Variants in FLI1 observed in about 807,000 individuals in gnomAD.
FLI1 encodes the protein Friend leukemia integration 1 transcription factor.
FLI1 carries 13 observed loss-of-function variants against 53.1 expected under a neutral mutation model. The observed-to-expected ratio is 0.24, with a 90% CI of 0.16 to 0.39. FLI1 has a LOEUF of 0.39. Among genes scored for constraint, FLI1 ranks in the 10% least tolerant of loss-of-function variants. FLI1 has a pLI of 1.00. For missense variants in FLI1, 424 were observed against 600.5 expected, an observed-to-expected ratio of 0.71 and a Z score of 3.07; for synonymous variants, 244 against 236.7, an observed-to-expected ratio of 1.03 and a Z score of -0.28.
At chr11:128,767,679 G>A (rs1238915163) in intron 2 of FLI1, among the ~76,000 whole-genome samples, 2 of 152,202 alleles carry the variant, frequency 1.3e-5, no homozygotes, top group South Asian at 2.1e-4. Flanking sequence ...AGCAGTCAGG[G>A]GGCGCAGGCC....
intron 1 of FLI1, among the ~76,000 whole-genome samples, chr11:128,723,118 C>T (rs1032437028): frequency 3.3e-5 from 5 of 152,162 alleles, no homozygotes; most frequent in South Asian, 2.1e-4. Flanking sequence ...TCCACCTCCA[C>T]GATCAAATCA....
chr11:128,746,451 T>G (rs1940393040), intron 1 of FLI1, among the ~76,000 whole-genome samples: 1 of 152,236 alleles, frequency 6.6e-6, no homozygotes, highest in Non-Finnish European at 1.5e-5. Context: ...CTGCTTCCCC[T>G]GTGGGAGCCC....
At chr11:128,778,496 C>T (rs753521228) in intron 4 of FLI1, among the ~76,000 whole-genome samples, 4 of 152,190 alleles carry the variant, frequency 2.6e-5, no homozygotes, top group African/African-American at 4.8e-5. Flanking sequence ...GAATAGACCA[C>T]GATGGGGCTC....
chr11:128,758,979 C>G (rs188597792), intron 2 of FLI1, among the ~76,000 whole-genome samples: 3 of 152,202 alleles, frequency 2.0e-5, no homozygotes, highest in Admixed American at 6.5e-5. Flanking sequence ...GCCCCTTGGG[C>G]AAGTCATCGA....
chr11:128,790,672 G>GT (rs1195056959), intron 5 of FLI1, among the ~76,000 whole-genome samples: 6 of 152,214 alleles, frequency 3.9e-5, no homozygotes, highest in Non-Finnish European at 8.8e-5. Context: ...GTGTAAATTT[G>GT]TTCCAGGATA....
intron 2 of FLI1, among the ~76,000 whole-genome samples, chr11:128,763,339 G>C (rs769294558): frequency 1.5e-4 from 23 of 152,186 alleles, no homozygotes; most frequent in Non-Finnish European, 2.9e-4. Flanking sequence ...GGTTGACTCT[G>C]TTAGGCTGGG....
rs549094256 is a variant in FLI1 at position 128,719,872 on chromosome 11, A to G, written c.18+25596A>G. On this transcript the variant is annotated intron_variant, in intron 1 of 8. Transcript: ENST00000527786. ...CCAAGGCTGCTGAGAAACAGGACTA[A>G]GTTAGTAAGCCCATCCTGCAGGTGC... 8.5e-5 allele frequency among the ~76,000 whole-genome samples: 13 copies of G among 152,352 alleles called. No homozygotes were observed. The South Asian group carries it at 2.1e-3, about 24-fold the overall frequency.
intron 1 of FLI1, among the ~76,000 whole-genome samples, chr11:128,734,782 C>A (rs1939847565): frequency 6.6e-6 from 1 of 152,020 alleles, no homozygotes; most frequent in South Asian, 2.1e-4. Flanking sequence ...TCCCTGGACC[C>A]CTAATGAGCC....
intron 2 of FLI1, among the ~76,000 whole-genome samples, chr11:128,762,439 A>T (rs868005159): frequency 6.6e-6 from 1 of 152,246 alleles, no homozygotes; most frequent in Non-Finnish European, 1.5e-5. Flanking sequence ...AGCACTTGAA[A>T]TACGGTTAGT....
chr11:128,760,047 C>T (rs1247172240), intron 2 of FLI1, among the ~76,000 whole-genome samples: 1 of 152,128 alleles, frequency 6.6e-6, no homozygotes, highest in Non-Finnish European at 1.5e-5. Flanking sequence ...TTCCAGATCC[C>T]AGGATTTCAG....
chr11:128,686,754 C>G (rs1055381730), intron 1 of FLI1: 1 of 304,904 alleles, frequency 3.3e-6, no homozygotes, highest in Non-Finnish European at 6.6e-6. Flanking sequence ...TTCTACCCCA[C>G]CCGGGCCTAT....
At chr11:128,693,603 T>C (rs1421063233), upstream of FLI1, among the ~76,000 whole-genome samples, 2 of 151,350 alleles carry the variant, frequency 1.3e-5, no homozygotes, top group Non-Finnish European at 2.9e-5. Context: ...AGTGAATGAG[T>C]CAGGAGGGCC....
chr11:128,760,300 G>A (rs1364273598), intron 2 of FLI1, among the ~76,000 whole-genome samples: 1 of 152,152 alleles, frequency 6.6e-6, no homozygotes, highest in Non-Finnish European at 1.5e-5. Context: ...AGGAGGCAAA[G>A]TTGGAGCCCG....
At chr11:128,729,480 C>A (rs892233915) in intron 1 of FLI1, among the ~76,000 whole-genome samples, 6 of 152,088 alleles carry the variant, frequency 3.9e-5, no homozygotes, top group Non-Finnish European at 8.8e-5. Context: ...CAATGGTTGG[C>A]GATGCTTTGC....
chr11:128,753,987 C>A (rs1297091837), intron 1 of FLI1, among the ~76,000 whole-genome samples: 1 of 152,218 alleles, frequency 6.6e-6, no homozygotes, highest in African/African-American at 2.4e-5. Context: ...CAACTCTGCT[C>A]TTTCACTTGG....
chr11:128,773,773 T>C (rs1254515187), intron 4 of FLI1, among the ~76,000 whole-genome samples: 2 of 151,548 alleles, frequency 1.3e-5, no homozygotes, highest in South Asian at 2.1e-4. Context: ...GGCCAGGTGG[T>C]ATATCAATAT....
chr11:128,708,962 A>T (rs1938670997), intron 1 of FLI1, among the ~76,000 whole-genome samples: 2 of 152,334 alleles, frequency 1.3e-5, no homozygotes, highest in South Asian at 2.1e-4. Flanking sequence ...CTTCTTGCCT[A>T]AAAAAGGTGA....
chr11:128,791,809 A>G (rs911958650), intron 5 of FLI1, among the ~76,000 whole-genome samples: 1 of 152,188 alleles, frequency 6.6e-6, no homozygotes, highest in African/African-American at 2.4e-5. Flanking sequence ...GCAGATTTCA[A>G]TCACAAGATG....
At chr11:128,742,106 G>A (rs574952171) in intron 1 of FLI1, among the ~76,000 whole-genome samples, 19 of 152,266 alleles carry the variant, frequency 1.2e-4, no homozygotes, top group Non-Finnish European at 2.5e-4. Context: ...TGTTTACACA[G>A]CAGGTTTGCC....
Sources: allele counts gnomAD v4.1 joint callset (sites outside exome capture counted in the v4.1 genomes callset), GRCh38; gene constraint gnomAD v4.1.1; transcripts MANE v1.5; gene names NCBI Gene and HGNC (gene_info 2026-07-23, HGNC 2026-07-21).